MACROD2: variants seen among roughly 807,000 people sequenced by gnomAD.
The protein encoded by MACROD2 is mono-ADP ribosylhydrolase 2.
A neutral mutation model predicts 70.4 loss-of-function variants in MACROD2; 36 were observed. The ratio of observed to expected loss-of-function variants is 0.51; its 90% CI spans 0.39 to 0.68. MACROD2 has a LOEUF of 0.68. Ranked by LOEUF, MACROD2 falls within the 30% of genes least tolerant of loss-of-function variation. The pLI is 0.00. For synonymous variants in MACROD2, 172 were observed against 178.8 expected, an observed-to-expected ratio of 0.96 and a Z score of 0.30; for missense variants, 496 against 538.4, an observed-to-expected ratio of 0.92 and a Z score of 0.78.
chr20:14,101,121 T>C (rs1298988413), intron 3 of MACROD2, among the ~76,000 whole-genome samples: 1 of 151,752 alleles, frequency 6.6e-6, no homozygotes, highest in Non-Finnish European at 1.5e-5. Flanking sequence ...TTTGAGTTGG[T>C]TCCCTTGGAT....
In MACROD2 at chr20:14,818,825, G is replaced by GTTTTTT. The variant is rs754477468; in HGVS notation, c.418+133887_418+133892dup. On this transcript the variant is annotated intron_variant, in intron 5 of 17. Transcript: ENST00000684519. ...GATTGTTTTTGTTTCTCTTCCTTAG[G>GTTTTTT]TTTTTTTTTTTTTTTTTTTTTTTTT... Among the ~76,000 whole-genome samples the GTTTTTT allele has an allele frequency of 4.5e-4, 35 of 78,378 alleles. 8 individuals are homozygous for GTTTTTT. The highest frequency in any genetic ancestry group is 1.7e-3 in the African/African-American group (32 of 18,598). The allele number at this position is 78,378 out of a possible 152,430, so 51.4% of individuals were successfully genotyped here.
At chr20:15,652,554 A>G (rs6043413) in intron 8 of MACROD2, among the ~76,000 whole-genome samples, 2 of 152,202 alleles carry the variant, frequency 1.3e-5, no homozygotes, top group Non-Finnish European at 2.9e-5. Context: ...TGGGTGACTT[A>G]TTTCTATGTC....
At chr20:15,291,478 T>C (rs952434578) in intron 6 of MACROD2, among the ~76,000 whole-genome samples, 2 of 152,208 alleles carry the variant, frequency 1.3e-5, no homozygotes, top group African/African-American at 4.8e-5. Context: ...AAAGAAGAAA[T>C]ATGAATTGCA....
chr20:15,510,911 G>A (rs2146511702), intron 8 of MACROD2, among the ~76,000 whole-genome samples: 1 of 152,320 alleles, frequency 6.6e-6, no homozygotes, highest in Non-Finnish European at 1.5e-5. Context: ...CTTTTAGTGA[G>A]GAGACTATTC....
At chr20:14,891,201 A>G (rs530777885) in intron 5 of MACROD2, among the ~76,000 whole-genome samples, 2 of 152,050 alleles carry the variant, frequency 1.3e-5, no homozygotes, top group South Asian at 4.1e-4. Context: ...CACTTATTTG[A>G]TCTGTCCCTA....
chr20:15,825,993 C>A (rs921051762), intron 8 of MACROD2, among the ~76,000 whole-genome samples: 5 of 152,274 alleles, frequency 3.3e-5, no homozygotes, highest in African/African-American at 1.2e-4. Flanking sequence ...TCATCCAGGG[C>A]CATCCTGAAG....
intron 3 of MACROD2, among the ~76,000 whole-genome samples, chr20:14,413,281 G>A (rs1004194616): frequency 6.7e-6 from 1 of 148,448 alleles, no homozygotes; most frequent in Non-Finnish European, 1.5e-5. Flanking sequence ...TTAATATATA[G>A]TATATATGTT....
intron 8 of MACROD2, among the ~76,000 whole-genome samples, chr20:15,851,945 G>T (rs1024739818): frequency 6.6e-6 from 1 of 152,156 alleles, no homozygotes; most frequent in Admixed American, 6.5e-5. Flanking sequence ...CTCTTTAATC[G>T]TGAAAAGAAA....
chr20:15,863,165 T>C (rs1259847254), intron 9 of MACROD2, among the ~76,000 whole-genome samples: 2 of 152,138 alleles, frequency 1.3e-5, no homozygotes, highest in Admixed American at 6.5e-5. Context: ...ACTTGTAAGT[T>C]TACCAGGCCC....
In MACROD2 at chr20:15,488,491, G is replaced by A. The variant is rs1056078754; in HGVS notation, c.572-11283G>A. 2.0e-5 allele frequency among the ~76,000 whole-genome samples: 3 copies of A among 152,142 alleles called. No homozygotes were observed. The South Asian group carries it at 6.2e-4, about 31-fold the overall frequency. ...CACACAATAACCAAGCAAACAAAAC[G>A]GACATCATTTCAGGTAGTGATAAGA... is the stretch of plus-strand genomic sequence containing the variant. On this transcript the variant is annotated intron_variant, in intron 7 of 17. Coordinates refer to ENST00000684519, the MANE Select transcript of MACROD2 (RefSeq NM_001351661.2).
intron 8 of MACROD2, among the ~76,000 whole-genome samples, chr20:15,608,178 C>G (rs983997386): frequency 2.6e-5 from 4 of 152,180 alleles, no homozygotes; most frequent in Non-Finnish European, 5.9e-5. Context: ...ATTATTGTCA[C>G]AAATTTGTGA....
intron 5 of MACROD2, among the ~76,000 whole-genome samples, chr20:14,859,804 C>T (rs577446580): frequency 6.6e-6 from 1 of 152,200 alleles, no homozygotes; most frequent in Middle Eastern, 3.4e-3. Flanking sequence ...TAGATCTTTG[C>T]TATGGTCTGT....
chr20:14,059,629 GA>G (rs1202711781), intron 2 of MACROD2, among the ~76,000 whole-genome samples: 1 of 152,208 alleles, frequency 6.6e-6, no homozygotes, highest in African/African-American at 2.4e-5. Context: ...GGTTCAGGGA[GA>G]GGGGTTAGCC....
At chr20:15,778,005 G>C (rs13041254) in intron 8 of MACROD2, among the ~76,000 whole-genome samples, 30,306 of 152,026 alleles carry the variant, frequency 0.2, 3,100 homozygotes, top group Non-Finnish European at 0.22. Context: ...TCTTTGTACT[G>C]TATTTGGCCA....
At chr20:14,045,395 A>G (rs1347349548) in intron 2 of MACROD2, among the ~76,000 whole-genome samples, 4 of 152,244 alleles carry the variant, frequency 2.6e-5, no homozygotes, top group Admixed American at 2.6e-4. Flanking sequence ...GGGACTGAAA[A>G]GTTTCCACTA....
intron 4 of MACROD2, among the ~76,000 whole-genome samples, chr20:14,622,509 A>C (rs1983888916): frequency 6.6e-6 from 1 of 152,160 alleles, no homozygotes; most frequent in Non-Finnish European, 1.5e-5. Flanking sequence ...CAAGACACAA[A>C]AGAGTTGTTA....
At chr20:15,948,382 CAAAAAAAAAAAAAAA>C (rs71192307) in intron 12 of MACROD2, among the ~76,000 whole-genome samples, 7 of 43,152 alleles carry the variant, frequency 1.6e-4, no homozygotes, top group Admixed American at 7.6e-4. Context: ...CTTGCAACTG[CAAAAAAAAAAAAAAA>C]AAAAAAAAAA....
In MACROD2 at chr20:15,903,131, T is replaced by A. The variant is rs149757448; in HGVS notation, c.775+17320T>A. Reference sequence around the variant, plus strand: ...TGTCTCACGCCTGTATTCCAAGCCCTTTGAGAGGCCGAGGCGGGCAGATCA... The same window carrying A: ...TGTCTCACGCCTGTATTCCAAGCCCATTGAGAGGCCGAGGCGGGCAGATCA... On this transcript the variant is annotated intron_variant, in intron 10 of 17. Transcript: ENST00000684519. Among the ~76,000 whole-genome samples, 14 of 152,200 alleles carry A rather than the reference T, an allele frequency of 9.2e-5. No individual in the cohort carries two copies. In the East Asian group the frequency reaches 2.7e-3, roughly 29 times the overall value.
At chr20:14,738,567 T>G (rs907159529) in intron 5 of MACROD2, among the ~76,000 whole-genome samples, 1 of 152,156 alleles carries the variant, frequency 6.6e-6, no homozygotes, top group Non-Finnish European at 1.5e-5. Flanking sequence ...CTTAGAACAG[T>G]ACTTAGCAAA....
Sources: gnomAD v4.1 joint callset for allele counts (sites outside exome capture counted in the v4.1 genomes callset) on GRCh38, gnomAD v4.1.1 for gene constraint, MANE v1.5 for transcripts, NCBI Gene and HGNC (gene_info 2026-07-23, HGNC 2026-07-21) for gene names.